Variants in BAZ1B observed in about 807,000 individuals in gnomAD.
The protein encoded by BAZ1B is bromodomain adjacent to zinc finger domain 1B.
In BAZ1B, 22 loss-of-function variants were observed where a neutral mutation model predicts 153.8. The ratio of observed to expected loss-of-function variants is 0.14; its 90% CI spans 0.10 to 0.20. The LOEUF is 0.20. Among genes scored for constraint, BAZ1B ranks in the 10% least tolerant of loss-of-function variants. BAZ1B has a pLI of 1.00. For missense variants in BAZ1B, 1,325 were observed against 1,799.3 expected, an observed-to-expected ratio of 0.74 and a Z score of 4.77; for synonymous variants, 676 against 633.4, an observed-to-expected ratio of 1.07 and a Z score of -1.01.
At chr7:73,475,412 C>T (rs1386801161) in intron 7 of BAZ1B, among the ~76,000 whole-genome samples, 2 of 152,182 alleles carry the variant, frequency 1.3e-5, no homozygotes, top group African/African-American at 4.8e-5. Flanking sequence ...GAAGTACTAA[C>T]ACATGCTACA....
chr7:73,473,487 G>A (rs1222172606), intron 7 of BAZ1B, among the ~76,000 whole-genome samples: 3 of 152,104 alleles, frequency 2.0e-5, no homozygotes, highest in Non-Finnish European at 4.4e-5. Flanking sequence ...CTGGGAGGTG[G>A]AGGTTGCAGT....
chr7:73,463,705 CTTT>C (rs1216217905), intron 11 of BAZ1B, among the ~76,000 whole-genome samples: 2 of 147,542 alleles, frequency 1.4e-5, no homozygotes, highest in African/African-American at 4.9e-5. Flanking sequence ...TTTCCTTTGT[CTTT>C]TTTTTTTTGT....
chr7:73,446,352 A>C (rs1787835285), intron 16 of BAZ1B, among the ~76,000 whole-genome samples: 1 of 152,152 alleles, frequency 6.6e-6, no homozygotes, highest in South Asian at 2.1e-4. Flanking sequence ...TGGGAGGCCA[A>C]GGCAGGCAGA....
At chr7:73,468,354 T>C (rs1788671226) in intron 9 of BAZ1B, among the ~76,000 whole-genome samples, 1 of 151,814 alleles carries the variant, frequency 6.6e-6, no homozygotes, top group Non-Finnish European at 1.5e-5. Flanking sequence ...CCGAATAACC[T>C]ATAATGCACA....
At chr7:73,491,383 T>C (rs1200724365) in intron 5 of BAZ1B, among the ~76,000 whole-genome samples, 1 of 152,136 alleles carries the variant, frequency 6.6e-6, no homozygotes, top group African/African-American at 2.4e-5. Flanking sequence ...GTAGACCACC[T>C]GAGGTCAGGA....
At position 73,477,503 on chromosome 7, in the gene BAZ1B, C is replaced by A. The variant is rs148937771; in HGVS notation, c.1958G>T (p.Arg653Met). Residue 653 changes from arginine to methionine, a missense_variant, in exon 7 of 20, where the codon AGG becomes ATG. Physicochemically the swap from Arg to Met is moderately conservative, Grantham distance 91. This residue lies in a region of BAZ1B where 154 missense variants were observed against 266.3 expected (regional missense o/e 0.58). Transcript: ENST00000339594. The surrounding 1 kb of genome is among the most constrained non-coding windows in gnomAD (Gnocchi z 5.6). ...GGTCTGTAAGAGGATGACCAACACC[C>A]TGTTAAGGTATAAAAAGCCACCCTT... is the stretch of plus-strand genomic sequence containing the variant. ...ADKGGFLYLN[R>M]VLVILLQTLL... 7 of 1,614,086 alleles carry A rather than the reference C, an allele frequency of 4.3e-6. No individual in the cohort carries two copies. Among genetic ancestry groups the A allele is most frequent in the Non-Finnish European group, 5.1e-6 (6 of 1,180,040 alleles).
Position 73,510,743 on chromosome 7 carries a change from C to T in BAZ1B, c.217G>A (p.Ala73Thr), listed in dbSNP as rs1554578452. Residue 73 changes from alanine to threonine, a missense_variant, in exon 2 of 20, where the codon GCT becomes ACT. Ala to Thr is a moderately conservative substitution (Grantham distance 58, BLOSUM62 0). Coordinates refer to ENST00000339594, the MANE Select transcript of BAZ1B (RefSeq NM_032408.4). ...AATACTTCCATTACTTACAGCTCAG[C>T]AACTTCCTGTTCTTCCTCCCAGGCT... ...KEAWEEEQEVAELLKEEFPAW... is the reference protein window; with the variant it reads ...KEAWEEEQEVTELLKEEFPAW... 6.2e-7 allele frequency: 1 copy of T among 1,613,832 alleles called. No homozygotes were observed. Among genetic ancestry groups the T allele is most frequent in the Non-Finnish European group, 8.5e-7 (1 of 1,179,750 alleles).
chr7:73,476,098 G>A lies in BAZ1B; in HGVS notation c.2593+770C>T, dbSNP rs576890685. ...TTATACAATTCCATTTAGAGAAAAT[G>A]CCTAGAATAGCAAATCTATAGAGAC... On this transcript the variant is annotated intron_variant, in intron 7 of 19. Coordinates refer to ENST00000339594, the MANE Select transcript of BAZ1B (RefSeq NM_032408.4). 7.7e-4 allele frequency among the ~76,000 whole-genome samples: 117 copies of A among 152,184 alleles called. 1 individual carries two copies. Among genetic ancestry groups the A allele is most frequent in the Middle Eastern group, 3.4e-3 (1 of 294 alleles).
intron 16 of BAZ1B, among the ~76,000 whole-genome samples, chr7:73,446,458 G>A (rs1787838457): frequency 6.8e-6 from 1 of 147,572 alleles, no homozygotes; most frequent in Non-Finnish European, 1.5e-5. Context: ...GGTGGTGGGT[G>A]TCTGTATACT....
rs1009425571 is a variant in BAZ1B at position 73,445,468 on chromosome 7, G to A, written c.3845-1339C>T. Among the ~76,000 whole-genome samples the A allele has an allele frequency of 5.9e-5, 9 of 152,110 alleles. No individual in the cohort carries two copies. In the East Asian group the frequency reaches 1.2e-3, roughly 19 times the overall value. ...CAGATCCTTTTGGCAAGTCGAGGCC[G>A]TAAAAACTTAGAAAAGCAATTCCTT... On this transcript the variant is annotated intron_variant, in intron 16 of 19. Transcript: ENST00000339594.
At chr7:73,494,147 C>G (rs2116396181) in intron 4 of BAZ1B, among the ~76,000 whole-genome samples, 1 of 151,958 alleles carries the variant, frequency 6.6e-6, no homozygotes, top group Admixed American at 6.6e-5. Flanking sequence ...TTTGAGGAGC[C>G]AAGGCAGAAG....
In BAZ1B at chr7:73,459,402, A is replaced by AAC. The variant is rs1360392275; in HGVS notation, c.3432+132_3432+133dup. The AAC allele has an allele frequency of 4.3e-4, 373 of 857,480 alleles. 1 individual carries two copies. The highest frequency in any genetic ancestry group is 6.6e-4 in the Admixed American group (23 of 34,682). 53.1% of individuals were successfully genotyped at this position (857,480 alleles called of 1,614,324 possible). A position where few individuals can be genotyped will look rare whatever the true frequency, so the allele number is the denominator to read the frequency against. On this transcript the variant is annotated intron_variant, in intron 13 of 19. Transcript: ENST00000339594. ...GTAGAAAGTGATTAAAAAAAAAAAA[A>AAC]ACACACACACACACAAAAACACTCA...
At chr7:73,462,548 A>AT (rs1788431460) in intron 12 of BAZ1B, 4 of 260,152 alleles carry the variant, frequency 1.5e-5, no homozygotes, top group Non-Finnish European at 3.0e-5. Flanking sequence ...GAGCTGACTG[A>AT]GTGTGAAGAA....
At chr7:73,516,883 T>C (rs935403142) in intron 1 of BAZ1B, among the ~76,000 whole-genome samples, 1 of 150,964 alleles carries the variant, frequency 6.6e-6, no homozygotes, top group African/African-American at 2.4e-5. Context: ...CTGGTAATTA[T>C]ATTAAGAGAA....
At chr7:73,490,342 T>C (rs1554575301) in intron 5 of BAZ1B, among the ~76,000 whole-genome samples, 1 of 152,118 alleles carries the variant, frequency 6.6e-6, no homozygotes. Context: ...ATAAACAGAA[T>C]AGTTCTACTT....
At chr7:73,458,789 G>A (rs1788288456) in intron 13 of BAZ1B, among the ~76,000 whole-genome samples, 1 of 152,074 alleles carries the variant, frequency 6.6e-6, no homozygotes, top group South Asian at 2.1e-4. Context: ...CAAACTTTGA[G>A]AGGCCAAGGT....
At chr7:73,498,363 T>C in intron 4 of BAZ1B, 134 bp downstream of exon 4, 3 of 820,346 alleles carry the variant, frequency 3.7e-6, no homozygotes, top group Non-Finnish European at 3.9e-6. Context: ...AGTTGTTCTA[T>C]GAATCATAAA....
intron 6 of BAZ1B, among the ~76,000 whole-genome samples, chr7:73,488,244 C>T (rs1789493523): frequency 6.6e-6 from 1 of 152,136 alleles, no homozygotes; most frequent in Non-Finnish European, 1.5e-5. Flanking sequence ...CATTAAAAAA[C>T]CACTTTAACA....
intron 2 of BAZ1B, among the ~76,000 whole-genome samples, chr7:73,510,130 A>T (rs1790518328): frequency 6.6e-6 from 1 of 150,620 alleles, no homozygotes; most frequent in Admixed American, 6.6e-5. Flanking sequence ...CCATCTCAAA[A>T]ATAAAAATAA....
Sources: gnomAD v4.1 joint callset for allele counts (sites outside exome capture counted in the v4.1 genomes callset) on GRCh38, gnomAD v4.1.1 for gene constraint, gnomAD v4.1.1 regional missense constraint, Gnocchi (gnomAD v3.1) non-coding constraint, MANE v1.5 for transcripts, NCBI Gene and HGNC (gene_info 2026-07-23, HGNC 2026-07-21) for gene names.